The following TSR2 variants were observed in gnomAD, a reference collection of about 807,000 sequenced individuals.
TSR2 encodes the protein pre-rRNA-processing protein TSR2 homolog.
Under a neutral mutation model 13.3 loss-of-function variants are expected in TSR2, and 1 was observed. The ratio of observed to expected loss-of-function variants is 0.08; its 90% CI spans 0.03 to 0.36. TSR2 has a LOEUF of 0.36. Among genes scored for constraint, TSR2 ranks in the 10% least tolerant of loss-of-function variants. The probability of loss-of-function intolerance (pLI) is 0.99; values close to 1 mark genes in which losing one functional copy is unlikely to be tolerated. For missense variants in TSR2, 120 were observed against 151.1 expected (o/e 0.79, Z 1.08); for synonymous variants, 60 against 57.7 (o/e 1.04, Z -0.18).
intron 3 of TSR2, 48 bp from the exon 4 acceptor site, chrX:54,443,960 A>G (rs375845570): frequency 6.7e-6 from 8 of 1,193,054 alleles, no homozygotes; most frequent in Non-Finnish European, 9.0e-6. Context: ...TGCTGTTTGT[A>G]TAGTAGATAT....
At chrX:54,440,922 C>T in intron 2 of TSR2, 142 bp downstream of exon 2, 2 of 470,427 alleles carry the variant, frequency 4.3e-6, no homozygotes, top group Non-Finnish European at 3.5e-6. Flanking sequence ...CTTTTAGAAT[C>T]AGAATCCTGG....
chrX:54,440,715 G>A lies in TSR2; in HGVS notation c.107G>A (p.Gly36Asp). The A allele has an allele frequency of 8.3e-7, 1 of 1,210,321 alleles. No individual in the cohort carries two copies. Among genetic ancestry groups the A allele is most frequent in the Admixed American group, 2.2e-5 (1 of 45,865 alleles). Reference protein sequence around the residue: ...LQIAVENGFGGVHSQEKAKWL... With the variant: ...LQIAVENGFGDVHSQEKAKWL... Reference sequence around the variant, plus strand: ...ATCGCTGTGGAGAATGGCTTCGGGGGTGTGCACAGCCAGGAGAAGGCCAAG... The same window carrying A: ...ATCGCTGTGGAGAATGGCTTCGGGGATGTGCACAGCCAGGAGAAGGCCAAG... Residue 36 changes from glycine (G) to aspartate (D), a missense_variant, in exon 2 of 5, where the codon GGT (glycine) becomes GAT (aspartate). Gly to Asp is a moderately conservative substitution (Grantham distance 94). This residue lies in a region of TSR2 where 53 missense variants were observed against 52.3 expected (regional missense o/e 1.01). Transcript: ENST00000375151.
At chrX:54,440,660 G>C (rs1319596695) in intron 1 of TSR2, 30 bp from the exon 2 acceptor site, 1 of 1,199,364 alleles carries the variant, frequency 8.3e-7, no homozygotes, top group South Asian at 1.8e-5. Context: ...CTCCCAAGCT[G>C]ACTTGGTGGG....
chrX:54,440,587 G>T, intron 1 of TSR2, 85 bp downstream of exon 1: 1 of 1,129,173 alleles, frequency 8.9e-7, no homozygotes, highest in Non-Finnish European at 1.2e-6. Context: ...CTGAGGCTTG[G>T]CTAGGCGGCA....
In TSR2 at chrX:54,444,605, T is replaced by C. The variant is rs1486378452; in HGVS notation, c.*55T>C. ...CTTATTTGCTGTTCTAAGAGTTGTC[T>C]GTAGGGGTTTTTTTTTTGAGGATTG... On this transcript the variant is annotated 3_prime_UTR_variant, in exon 5 of 5. Coordinates refer to ENST00000375151, the MANE Select transcript of TSR2 (RefSeq NM_058163.3). 8.8e-6 allele frequency: 10 copies of C among 1,137,506 alleles called. No homozygotes were observed. Among genetic ancestry groups the C allele is most frequent in the Non-Finnish European group, 9.4e-6 (8 of 850,079 alleles). 93.7% of individuals were successfully genotyped at this position (1,137,506 alleles called of 1,213,427 possible). A position where few individuals can be genotyped will look rare whatever the true frequency, so the allele number is the denominator to read the frequency against.
chrX:54,447,259 G>A lies in TSR2; in HGVS notation c.*2709G>A. ...CAAGGCCAAGGAGAGGTCAAGGACT[G>A]GATCTGGCTTTGCCAGGTGGCTGAA... On this transcript the variant is annotated 3_prime_UTR_variant, in exon 5 of 5. Transcript: ENST00000375151. The A allele has an allele frequency of 3.4e-6, 4 of 1,186,290 alleles. No individual in the cohort carries two copies. Among genetic ancestry groups the A allele is most frequent in the Non-Finnish European group, 4.6e-6 (4 of 872,618 alleles).
chrX:54,440,525 C>G (rs770055606), intron 1 of TSR2, 23 bp downstream of exon 1: 7 of 1,141,442 alleles, frequency 6.1e-6, no homozygotes, highest in South Asian at 2.1e-5. Flanking sequence ...AGGGCCAGGG[C>G]AAGGTCAAGG....
At position 54,444,473 on chromosome X, in the gene TSR2, T is replaced by G. The variant is rs1922046451; in HGVS notation, c.499T>G (p.Ser167Ala). 1 of 1,208,857 alleles carries G rather than the reference T, an allele frequency of 8.3e-7. No homozygotes were observed. The highest frequency in any genetic ancestry group is 1.8e-5 in the African/African-American group (1 of 57,123). Residue 167 changes from serine (S) to alanine (A), a missense_variant, in exon 5 of 5, where the codon TCT becomes GCT. Around this residue, in one of 3 missense-constraint regions of TSR2, gnomAD observed 55 missense variants for 61.3 expected, o/e 0.90. Coordinates refer to ENST00000375151, the MANE Select transcript of TSR2 (RefSeq NM_058163.3). Reference sequence around the variant, plus strand: ...TGGGGTCTGCCCCCAGCCTGAACCCTCTGATCCAGACGCTCAGACTATTAA... The same window carrying G: ...TGGGGTCTGCCCCCAGCCTGAACCCGCTGATCCAGACGCTCAGACTATTAA... ...TDGVCPQPEP[S>A]DPDAQTIKEE...
Position 54,445,770 on chromosome X carries a change from T to C in TSR2, c.*1220T>C. 5.1e-6 allele frequency: 1 copy of C among 194,217 alleles called. No individual in the cohort carries two copies. Among genetic ancestry groups the C allele is most frequent in the Non-Finnish European group, 9.2e-6 (1 of 108,759 alleles). 16.0% of individuals were successfully genotyped at this position (194,217 alleles called of 1,213,427 possible). A position where few individuals can be genotyped will look rare whatever the true frequency, so the allele number is the denominator to read the frequency against. On this transcript the variant is annotated 3_prime_UTR_variant, in exon 5 of 5. Coordinates refer to ENST00000375151, the MANE Select transcript of TSR2 (RefSeq NM_058163.3). ...CACTTGAATCCAGGTCTCCTACCTC[T>C]GGTGCTTTGTGGGGAACTGGGTGGA... is the stretch of plus-strand genomic sequence containing the variant.
chrX:54,444,617 T>C lies in TSR2; in HGVS notation c.*67T>C, dbSNP rs1321001240. 9.2e-6 allele frequency: 10 copies of C among 1,092,849 alleles called. No homozygotes were observed. Among genetic ancestry groups the C allele is most frequent in the Non-Finnish European group, 1.2e-5 (10 of 810,789 alleles). The allele number at this position is 1,092,849 out of a possible 1,213,427, so 90.1% of individuals were successfully genotyped here. On this transcript the variant is annotated 3_prime_UTR_variant, in exon 5 of 5. Coordinates refer to ENST00000375151, the MANE Select transcript of TSR2 (RefSeq NM_058163.3). ...TCTAAGAGTTGTCTGTAGGGGTTTT[T>C]TTTTTGAGGATTGCAGACCTGTGGA... is the stretch of plus-strand genomic sequence containing the variant.
Position 54,445,429 on chromosome X carries a change from A to G in TSR2, c.*879A>G, listed in dbSNP as rs905675572. ...TTTGGACAACCAAACAGATGAACGA[A>G]CGGAGCACAGCAGTGCTATGAAAGT... On this transcript the variant is annotated 3_prime_UTR_variant, in exon 5 of 5. Transcript: ENST00000375151. 4.5e-5 allele frequency: 5 copies of G among 110,406 alleles called. No individual in the cohort carries two copies. The highest frequency in any genetic ancestry group is 1.7e-4 in the African/African-American group (5 of 30,212). 9.1% of individuals were successfully genotyped at this position (110,406 alleles called of 1,213,427 possible). A position where few individuals can be genotyped will look rare whatever the true frequency, so the allele number is the denominator to read the frequency against.
rs1407714522 is a variant in TSR2 at position 54,446,181 on chromosome X, C to T, written c.*1631C>T. The T allele has an allele frequency of 1.7e-6, 2 of 1,209,823 alleles. No homozygotes were observed. Among genetic ancestry groups the T allele is most frequent in the African/African-American group, 1.7e-5 (1 of 57,259 alleles). On this transcript the variant is annotated 3_prime_UTR_variant, in exon 5 of 5. Coordinates refer to ENST00000375151, the MANE Select transcript of TSR2 (RefSeq NM_058163.3). ...CTCCTAAAGCAGCCACCGGTGCCTC[C>T]TCCATCTCCCTGTCCTCAGACAGTG...
At chrX:54,441,094 A>T (rs1921916272) in intron 2 of TSR2, among the ~76,000 whole-genome samples, 1 of 112,260 alleles carries the variant, frequency 8.9e-6, no homozygotes, top group Non-Finnish European at 1.9e-5. Flanking sequence ...ATAATTTAAA[A>T]TTTTTTAGTA....
chrX:54,446,990 C>T lies in TSR2; in HGVS notation c.*2440C>T, dbSNP rs968140367. 9.0e-6 allele frequency among the ~76,000 whole-genome samples: 1 copy of T among 111,293 alleles called. No individual in the cohort carries two copies. Among genetic ancestry groups the T allele is most frequent in the African/African-American group, 3.3e-5 (1 of 30,581 alleles). On this transcript the variant is annotated 3_prime_UTR_variant, in exon 5 of 5. Coordinates refer to ENST00000375151, the MANE Select transcript of TSR2 (RefSeq NM_058163.3). ...CCACCTGCCTCGGCCTCTCAGAGTG[C>T]TGGGATTACAGGCGTGAGCCACTGC...
rs1226487472 is a variant in TSR2 at position 54,446,721 on chromosome X, C to CTTT, written c.*2189_*2191dup. ...CTATGCTATTGCCCCTATCTGCATA[C>CTTT]TTTTTTTTTTTTTTTTTTTTGAGAC... On this transcript the variant is annotated 3_prime_UTR_variant, in exon 5 of 5. Coordinates refer to ENST00000375151, the MANE Select transcript of TSR2 (RefSeq NM_058163.3). Among the ~76,000 whole-genome samples the CTTT allele has an allele frequency of 2.3e-5, 2 of 87,667 alleles. No individual in the cohort carries two copies. Among genetic ancestry groups the CTTT allele is most frequent in the African/African-American group, 8.7e-5 (2 of 22,998 alleles). 76.1% of individuals were successfully genotyped at this position (87,667 alleles called of 115,157 possible).
At chrX:54,443,641 A>G in intron 3 of TSR2, 150 bp downstream of exon 3, 2 of 464,909 alleles carry the variant, frequency 4.3e-6, no homozygotes, top group Non-Finnish European at 7.1e-6. Context: ...CTTTATTTCT[A>G]TACATCATTC....
intron 3 of TSR2, 43 bp from the exon 4 acceptor site, chrX:54,443,965 A>G (rs764044232): frequency 4.2e-6 from 5 of 1,197,897 alleles, no homozygotes; most frequent in South Asian, 3.7e-5. Context: ...TTTGTATAGT[A>G]GATATCTGGA....
At chrX:54,444,385 T>C in intron 4 of TSR2, 31 bp from the exon 5 acceptor site, 1 of 1,192,895 alleles carries the variant, frequency 8.4e-7, no homozygotes, top group Non-Finnish European at 1.1e-6. Flanking sequence ...GTGGTCAGTG[T>C]ATTCAGCTCT....
In TSR2 at chrX:54,447,588, G is replaced by C. The variant is rs753178560; in HGVS notation, c.*3038G>C. 4.8e-5 allele frequency: 33 copies of C among 691,052 alleles called. No individual in the cohort carries two copies. Among genetic ancestry groups the C allele is most frequent in the Middle Eastern group, 4.6e-4 (1 of 2,191 alleles). The allele number at this position is 691,052 out of a possible 1,213,427, so 57.0% of individuals were successfully genotyped here. A position where few individuals can be genotyped will look rare whatever the true frequency, so the allele number is the denominator to read the frequency against. ...ACGCTCAAGCTCAGGTGGCAGGAGT[G>C]ATTTGTCCAGTGCCACCCAGTGAAT... On this transcript the variant is annotated 3_prime_UTR_variant, in exon 5 of 5. Coordinates refer to ENST00000375151, the MANE Select transcript of TSR2 (RefSeq NM_058163.3).
Sources: allele counts gnomAD v4.1 joint callset (sites outside exome capture counted in the v4.1 genomes callset), GRCh38; gene constraint gnomAD v4.1.1; regional missense constraint gnomAD v4.1.1; transcripts MANE v1.5; gene names NCBI Gene and HGNC (gene_info 2026-07-23, HGNC 2026-07-21).